Variants in ERLIN1 observed in about 807,000 individuals in gnomAD.
ERLIN1 encodes the protein erlin-1.
Under a neutral mutation model 46.9 loss-of-function variants are expected in ERLIN1, and 24 were observed. The ratio of observed to expected loss-of-function variants is 0.51; its 90% CI spans 0.37 to 0.72. The LOEUF is 0.72. Ranked by LOEUF, ERLIN1 falls within the 30% of genes least tolerant of loss-of-function variation. ERLIN1 has a pLI of 0.00. For synonymous variants in ERLIN1, 158 were observed against 143.2 expected, an observed-to-expected ratio of 1.10 and a Z score of -0.74; for missense variants, 293 against 417.9, an observed-to-expected ratio of 0.70 and a Z score of 2.61.
Position 100,156,221 on chromosome 10 carries a change from A to C in ERLIN1, c.669T>G (p.Ile223Met). Residue 223 changes from isoleucine (I) to methionine (M), a missense_variant, in exon 9 of 11, where the codon ATT (isoleucine) becomes ATG (methionine). By Grantham distance (10) the Ile-to-Met change is conservative. This residue lies in a region of ERLIN1 where 148 missense variants were observed against 266.5 expected (regional missense o/e 0.56). Transcript: ENST00000421367. The part of the protein sequence containing the change: ...RKKAVIEAEK[I>M]AQVAKIRFQQ... Reference sequence around the variant, plus strand: ...GAAACCGAATTTTTGCCACTTGTGCAATCTTCTCTGCTTCTATAATCATAC... The same window carrying C: ...GAAACCGAATTTTTGCCACTTGTGCCATCTTCTCTGCTTCTATAATCATAC... 2.5e-6 allele frequency: 4 copies of C among 1,610,452 alleles called. No individual in the cohort carries two copies. The highest frequency in any genetic ancestry group is 3.4e-6 in the Non-Finnish European group (4 of 1,176,908).
intron 2 of ERLIN1, among the ~76,000 whole-genome samples, chr10:100,182,525 A>C (rs1844720369): frequency 6.6e-6 from 1 of 152,176 alleles, no homozygotes; most frequent in Admixed American, 6.5e-5. Flanking sequence ...TCATTACACC[A>C]CATTGCTTCC....
At position 100,151,972 on chromosome 10, in the gene ERLIN1, G is replaced by A. The variant is rs1445812381; in HGVS notation, c.*159C>T. ...AGACCATTTGTGTGTCAGACAGCTGGCTCTATCCTCCAATCAGTGGAGCAC... is the reference window on the plus strand; with the variant it reads ...AGACCATTTGTGTGTCAGACAGCTGACTCTATCCTCCAATCAGTGGAGCAC... On this transcript the variant is annotated 3_prime_UTR_variant, in exon 11 of 11. Coordinates refer to ENST00000421367, the MANE Select transcript of ERLIN1 (RefSeq NM_006459.4). 3 of 691,690 alleles carry A rather than the reference G, an allele frequency of 4.3e-6. No individual in the cohort carries two copies. Among genetic ancestry groups the A allele is most frequent in the Non-Finnish European group, 5.3e-6 (2 of 377,098 alleles). 42.8% of individuals were successfully genotyped at this position (691,690 alleles called of 1,614,324 possible). A position where few individuals can be genotyped will look rare whatever the true frequency, so the allele number is the denominator to read the frequency against.
intron 6 of ERLIN1, among the ~76,000 whole-genome samples, chr10:100,170,781 T>C (rs978779364): frequency 9.2e-5 from 14 of 152,186 alleles, no homozygotes; most frequent in African/African-American, 1.4e-4. Flanking sequence ...ACTGACAAGA[T>C]GAAAAACACA....
chr10:100,160,194 A>T lies in ERLIN1; in HGVS notation c.655+3810T>A, dbSNP rs532453867. Among the ~76,000 whole-genome samples, 44 of 152,280 alleles carry T rather than the reference A, an allele frequency of 2.9e-4. No homozygotes were observed. The South Asian group carries it at 8.7e-3, about 30-fold the overall frequency. ...TTACCAAAACTGGCTTAAAAAGAAAACATGTATCTGAATATACCTATACTC... is the reference window on the plus strand; with the variant it reads ...TTACCAAAACTGGCTTAAAAAGAAATCATGTATCTGAATATACCTATACTC... On this transcript the variant is annotated intron_variant, in intron 8 of 10. Coordinates refer to ENST00000421367, the MANE Select transcript of ERLIN1 (RefSeq NM_006459.4).
chr10:100,175,459 T>C (rs1004329278), intron 5 of ERLIN1, among the ~76,000 whole-genome samples: 2 of 152,192 alleles, frequency 1.3e-5, no homozygotes, highest in Admixed American at 6.5e-5. Flanking sequence ...TGTCACAGCT[T>C]GTTGCTGTGG....
intron 8 of ERLIN1, among the ~76,000 whole-genome samples, chr10:100,161,405 A>G (rs556233273): frequency 3.3e-5 from 5 of 152,348 alleles, no homozygotes; most frequent in Admixed American, 2.6e-4. Flanking sequence ...ACTTTAGAAG[A>G]AAATTATGAC....
In ERLIN1 at chr10:100,154,724, C is replaced by T; in HGVS notation, c.825+136G>A. The T allele has an allele frequency of 1.0e-5, 7 of 679,978 alleles. 1 individual carries two copies. The South Asian group carries it at 1.3e-4, about 13-fold the overall frequency. 42.1% of individuals were successfully genotyped at this position (679,978 alleles called of 1,614,324 possible). ...ATGTGAAATATTTCTTGCTAACTGA[C>T]TAATTCTGGAGGATGTCTTGGTCAC... On this transcript the variant is annotated intron_variant, in intron 10 of 10. Coordinates refer to ENST00000421367, the MANE Select transcript of ERLIN1 (RefSeq NM_006459.4).
chr10:100,174,883 T>C (rs1022294210), intron 5 of ERLIN1, among the ~76,000 whole-genome samples: 5 of 152,206 alleles, frequency 3.3e-5, no homozygotes, highest in Non-Finnish European at 7.3e-5. Flanking sequence ...CTATGCACTT[T>C]CTATTCACCT....
rs1356561673 is a variant in ERLIN1 at position 100,150,281 on chromosome 10, A to G, written c.*1850T>C. On this transcript the variant is annotated 3_prime_UTR_variant, in exon 11 of 11. Coordinates refer to ENST00000421367, the MANE Select transcript of ERLIN1 (RefSeq NM_006459.4). ...TGGGAGTTTAAGCAGAAGTGCTTTA[A>G]GACTTCACAGCGGCATTTCCCTGTT... 3 of 152,494 alleles carry G rather than the reference A, an allele frequency of 2.0e-5. No homozygotes were observed. Among genetic ancestry groups the G allele is most frequent in the Non-Finnish European group, 4.4e-5 (3 of 68,022 alleles). 9.4% of individuals were successfully genotyped at this position (152,494 alleles called of 1,614,324 possible). A position where few individuals can be genotyped will look rare whatever the true frequency, so the allele number is the denominator to read the frequency against.
At chr10:100,163,028 AGAACG>A (rs1272272098) in intron 8 of ERLIN1, among the ~76,000 whole-genome samples, 23 of 152,236 alleles carry the variant, frequency 1.5e-4, no homozygotes, top group Non-Finnish European at 2.9e-4. Flanking sequence ...GCCCGCTCAT[AGAACG>A]AAAAATGTAG....
Position 100,156,238 on chromosome 10 carries a change from T to C in ERLIN1, c.656-4A>G, listed in dbSNP as rs1179966179. On this transcript the variant is annotated splice_polypyrimidine_tract_variant and splice_region_variant and intron_variant, in intron 8 of 10. Transcript: ENST00000421367. ...ACTTGTGCAATCTTCTCTGCTTCTA[T>C]AATCATACAACATAAGAAGACACAT... 1 of 1,598,948 alleles carries C rather than the reference T, an allele frequency of 6.3e-7. No homozygotes were observed. Among genetic ancestry groups the C allele is most frequent in the Non-Finnish European group, 8.6e-7 (1 of 1,167,006 alleles).
chr10:100,158,504 G>A (rs746231265), intron 8 of ERLIN1, among the ~76,000 whole-genome samples: 56 of 151,278 alleles, frequency 3.7e-4, no homozygotes, highest in Non-Finnish European at 6.9e-4. Context: ...AAGGAGGACC[G>A]AAGATAACTT....
intron 7 of ERLIN1, among the ~76,000 whole-genome samples, chr10:100,166,651 C>A (rs963845689): frequency 6.6e-6 from 1 of 152,126 alleles, no homozygotes; most frequent in Non-Finnish European, 1.5e-5. Context: ...ATTTTTCCAG[C>A]GTCTTATACT....
chr10:100,153,877 T>C (rs1013346700), intron 10 of ERLIN1, among the ~76,000 whole-genome samples: 3 of 152,236 alleles, frequency 2.0e-5, no homozygotes, highest in Non-Finnish European at 1.5e-5. Context: ...TCTGTGTCTA[T>C]AGAACTGTGT....
intron 4 of ERLIN1, among the ~76,000 whole-genome samples, chr10:100,177,763 T>C (rs1844394750): frequency 6.6e-6 from 1 of 152,230 alleles, no homozygotes; most frequent in East Asian, 1.9e-4. Context: ...AAATCTCAAC[T>C]AGAAAATACT....
chr10:100,183,901 A>C (rs763224458), intron 1 of ERLIN1, 64 bp from the exon 2 acceptor site: 2 of 1,189,236 alleles, frequency 1.7e-6, no homozygotes, highest in Non-Finnish European at 2.5e-6. Context: ...CAAATCTAAA[A>C]TGCTATAATA....
intron 8 of ERLIN1, among the ~76,000 whole-genome samples, chr10:100,162,428 A>G (rs539578038): frequency 6.6e-6 from 1 of 152,324 alleles, no homozygotes; most frequent in African/African-American, 2.4e-5. Flanking sequence ...CAAATATGGC[A>G]GCATAGAAAC....
At chr10:100,167,627 G>C (rs577054663) in intron 6 of ERLIN1, among the ~76,000 whole-genome samples, 1 of 152,218 alleles carries the variant, frequency 6.6e-6, no homozygotes, top group South Asian at 2.1e-4. Flanking sequence ...CACAATGCCA[G>C]ATTACAGGAA....
intron 4 of ERLIN1, 118 bp from the exon 5 acceptor site, chr10:100,176,188 T>A: frequency 1.2e-6 from 1 of 812,066 alleles, no homozygotes; most frequent in Non-Finnish European, 1.8e-6. Context: ...GCCAACAAAA[T>A]AGTGAAACCA....
Sources: gnomAD v4.1 joint callset for allele counts (sites outside exome capture counted in the v4.1 genomes callset) on GRCh38, gnomAD v4.1.1 for gene constraint, gnomAD v4.1.1 regional missense constraint, MANE v1.5 for transcripts, NCBI Gene and HGNC (gene_info 2026-07-23, HGNC 2026-07-21) for gene names.